The following CBLN2 variants were observed in gnomAD, a reference collection of about 807,000 sequenced individuals.
CBLN2 encodes cerebellin 2 precursor.
Under a neutral mutation model 15.0 loss-of-function variants are expected in CBLN2, and 7 were observed. The ratio of observed to expected loss-of-function variants is 0.47; its 90% CI spans 0.27 to 0.88. The LOEUF is 0.88. Among genes scored for constraint, CBLN2 ranks in the 40% least tolerant of loss-of-function variants. CBLN2 has a pLI of 0.14. For synonymous variants in CBLN2, 149 were observed against 135.2 expected (o/e 1.10, Z -0.71); for missense variants, 242 against 304.5 (o/e 0.79, Z 1.53).
chr18:72,538,890 C>CA, intron 3 of CBLN2, 118 bp from the exon 4 acceptor site: 1 of 1,295,746 alleles, frequency 7.7e-7, no homozygotes, highest in Non-Finnish European at 1.1e-6. Context: ...AACACAAATT[C>CA]AGCATCCTCA....
intron 1 of CBLN2, among the ~76,000 whole-genome samples, chr18:72,561,786 C>T (rs1231678081): frequency 6.6e-6 from 1 of 152,086 alleles, no homozygotes; most frequent in Non-Finnish European, 1.5e-5. Flanking sequence ...TTCCCTCTGT[C>T]CGTGCGGCAA....
intron 1 of CBLN2, chr18:72,625,162 A>G (rs1409742691): frequency 1.3e-5 from 2 of 152,126 alleles, no homozygotes; most frequent in African/African-American, 2.4e-5. Context: ...TTACCTCAAA[A>G]TCTTCTGGAA....
Position 72,538,240 on chromosome 18 carries a change from C to T in CBLN2, c.611G>A (p.Arg204Lys). The T allele has an allele frequency of 6.2e-7, 1 of 1,614,172 alleles. No individual in the cohort carries two copies. The highest frequency in any genetic ancestry group is 8.5e-7 in the Non-Finnish European group (1 of 1,180,024). ...REDKVHLKLERGNLMGGWKYS... is the reference protein window; with the variant it reads ...REDKVHLKLEKGNLMGGWKYS... ...TTTCCAGCCCCCCATGAGGTTGCCT[C>T]TCTCAAGTTTGAGATGCACTTTGTC... The change falls in exon 5 of 5, where the codon AGA becomes AAA. Residue 204 changes from arginine (R) to lysine (K), a missense_variant. Physicochemically the swap from Arg to Lys is conservative, Grantham distance 26. Transcript: ENST00000269503.
chr18:72,560,731 G>A (rs1469603592), intron 1 of CBLN2, among the ~76,000 whole-genome samples: 6 of 152,196 alleles, frequency 3.9e-5, no homozygotes, highest in Admixed American at 1.3e-4. Flanking sequence ...AAAATAGGCC[G>A]GGTGTGGTGG....
At chr18:72,620,709 C>G (rs749601963) in intron 1 of CBLN2, 10 of 152,034 alleles carry the variant, frequency 6.6e-5, no homozygotes, top group African/African-American at 2.2e-4. Context: ...AGGGACCTAC[C>G]CTCGTCTGCC....
rs537693415 is a variant in CBLN2 at position 72,597,543 on chromosome 18, G to C, written c.15+40782C>G. On this transcript the variant is annotated intron_variant, in intron 1 of 2. Transcript: ENST00000581073. ...CAAGCCCCATGGTAACCATAGTCTA[G>C]CCACTGCCTATGTTCACTCAAGGCC... Among the ~76,000 whole-genome samples, 377 of 152,278 alleles carry C rather than the reference G, an allele frequency of 2.5e-3. 4 individuals are homozygous for C. Among genetic ancestry groups the C allele is most frequent in the African/African-American group, 7.1e-3 (296 of 41,556 alleles).
chr18:72,622,690 A>G (rs1331695350), intron 1 of CBLN2, among the ~76,000 whole-genome samples: 1 of 152,180 alleles, frequency 6.6e-6, no homozygotes, highest in African/African-American at 2.4e-5. Flanking sequence ...GGGCAAATCT[A>G]AAGAGACCAG....
chr18:72,576,744 T>G (rs1396842573), intron 1 of CBLN2, among the ~76,000 whole-genome samples: 1 of 151,784 alleles, frequency 6.6e-6, no homozygotes, highest in African/African-American at 2.4e-5. Context: ...TATTTTAGTA[T>G]TTTGGAAAAT....
At chr18:72,613,104 CT>C (rs1211419690) in intron 1 of CBLN2, among the ~76,000 whole-genome samples, 1 of 152,172 alleles carries the variant, frequency 6.6e-6, no homozygotes, top group Non-Finnish European at 1.5e-5. Flanking sequence ...CACACTTCCT[CT>C]TTTTATAAGG....
intron 1 of CBLN2, chr18:72,619,231 C>A: frequency 2.1e-6 from 2 of 932,196 alleles, no homozygotes; most frequent in Non-Finnish European, 3.3e-6. Flanking sequence ...TAATTACAGT[C>A]AGGAAACAAA....
intron 1 of CBLN2, among the ~76,000 whole-genome samples, chr18:72,576,966 A>C (rs60561171): frequency 0.018 from 2,588 of 147,344 alleles, 73 homozygotes; most frequent in African/African-American, 0.061. Context: ...ATATATAAAT[A>C]TATATAAATG....
chr18:72,567,575 A>T (rs1599002468), intron 1 of CBLN2, among the ~76,000 whole-genome samples: 1 of 152,258 alleles, frequency 6.6e-6, no homozygotes, highest in East Asian at 1.9e-4. Flanking sequence ...AATATGGAGA[A>T]GTCGAGGGTT....
At chr18:72,605,370 G>A (rs534372429) in intron 1 of CBLN2, among the ~76,000 whole-genome samples, 6 of 152,162 alleles carry the variant, frequency 3.9e-5, no homozygotes, top group South Asian at 4.1e-4. Context: ...AATTACTGAC[G>A]TTCTGTTAAC....
chr18:72,583,074 T>C (rs1244985628), intron 1 of CBLN2, among the ~76,000 whole-genome samples: 1 of 152,030 alleles, frequency 6.6e-6, no homozygotes, highest in East Asian at 1.9e-4. Context: ...GGATGGAAGC[T>C]GGGCCCGGGC....
chr18:72,624,500 G>A (rs1366778991), intron 1 of CBLN2, among the ~76,000 whole-genome samples: 1 of 151,978 alleles, frequency 6.6e-6, no homozygotes, highest in East Asian at 1.9e-4. Flanking sequence ...ATTATCTAGG[G>A]GTGGTGGCAC....
intron 1 of CBLN2, among the ~76,000 whole-genome samples, chr18:72,628,717 T>C (rs531692328): frequency 6.6e-6 from 1 of 152,366 alleles, no homozygotes; most frequent in Admixed American, 6.5e-5. Flanking sequence ...CCTACAGTCT[T>C]CTACATTTAT....
Position 72,543,176 on chromosome 18 carries a change from G to A in CBLN2, c.-167+310C>T, listed in dbSNP as rs915227603. ...CAGGTTTCTGCGAACTTACGCGCCC[G>A]TCTGCACTTTTGCCCCGTCCCCGCT... On this transcript the variant is annotated intron_variant, in intron 2 of 4. Transcript: ENST00000269503. The surrounding 1 kb of genome is among the most constrained non-coding windows in gnomAD (Gnocchi z 6.8). 1 of 270,558 alleles carries A rather than the reference G, an allele frequency of 3.7e-6. No individual in the cohort carries two copies. Among genetic ancestry groups the A allele is most frequent in the East Asian group, 6.0e-5 (1 of 16,584 alleles). 16.8% of individuals were successfully genotyped at this position (270,558 alleles called of 1,614,324 possible). A position where few individuals can be genotyped will look rare whatever the true frequency, so the allele number is the denominator to read the frequency against.
intron 3 of CBLN2, 62 bp downstream of exon 3, chr18:72,541,742 C>A (rs930033660): frequency 9.0e-5 from 124 of 1,377,496 alleles, no homozygotes; most frequent in Non-Finnish European, 1.1e-4. Context: ...CCCCAGCCCG[C>A]GCGCGCAGGT....
intron 1 of CBLN2, among the ~76,000 whole-genome samples, chr18:72,603,701 GTT>G (rs1177179559): frequency 6.6e-6 from 1 of 152,160 alleles, no homozygotes; most frequent in East Asian, 1.9e-4. Flanking sequence ...TCTCTGAAAT[GTT>G]TAAGGAGCTC....
Sources: gnomAD v4.1 joint callset for allele counts (sites outside exome capture counted in the v4.1 genomes callset) on GRCh38, gnomAD v4.1.1 for gene constraint, Gnocchi (gnomAD v3.1) non-coding constraint, MANE v1.5 for transcripts, NCBI Gene and HGNC (gene_info 2026-07-23, HGNC 2026-07-21) for gene names.